Variants in EIF2AK3 observed in about 807,000 individuals in gnomAD.
EIF2AK3 encodes the protein eukaryotic translation initiation factor 2-alpha kinase 3.
EIF2AK3 carries 50 observed loss-of-function variants against 113.5 expected under a neutral mutation model. The ratio of observed to expected loss-of-function variants is 0.44; its 90% confidence interval spans 0.35 to 0.56. EIF2AK3 has a LOEUF of 0.56. Among genes scored for constraint, EIF2AK3 ranks in the 20% least tolerant of loss-of-function variants. EIF2AK3 has a pLI of 0.00. For synonymous variants in EIF2AK3, 448 were observed against 495.4 expected (o/e 0.90, Z 1.27); for missense variants, 1,185 against 1,378.0 (o/e 0.86, Z 2.22).
chr2:88,627,491 C>T, upstream of EIF2AK3: 1 of 515,676 alleles, frequency 1.9e-6, no homozygotes, highest in Non-Finnish European at 3.1e-6. Flanking sequence ...ATTGAGCAAA[C>T]TTTCCGCGCG....
chr2:88,627,019 C>T lies in EIF2AK3; in HGVS notation c.256G>A (p.Glu86Lys). The change falls in exon 1 of 17, where the codon GAG (glutamate) becomes AAG (lysine). Residue 86 changes from glutamate (E) to lysine (K), a missense_variant. By Grantham distance (56) the Glu-to-Lys change is moderately conservative. Coordinates refer to ENST00000303236, the MANE Select transcript of EIF2AK3 (RefSeq NM_004836.7). ...TCGTCTGGTTCCGGACCCCGAGGCTCCTGCTCTCCCGCGGCTGCCGGCAGC... is the reference window on the plus strand; with the variant it reads ...TCGTCTGGTTCCGGACCCCGAGGCTTCTGCTCTCCCGCGGCTGCCGGCAGC... ...EALPAAAGEQ[E>K]PRGPEPDDET... 1 of 1,606,374 alleles carries T rather than the reference C, an allele frequency of 6.2e-7. No homozygotes were observed. The highest frequency in any genetic ancestry group is 8.5e-7 in the Non-Finnish European group (1 of 1,178,744).
intron 10 of EIF2AK3, among the ~76,000 whole-genome samples, chr2:88,582,086 T>C (rs533775593): frequency 6.0e-4 from 91 of 152,286 alleles, no homozygotes; most frequent in Non-Finnish European, 1.3e-3. Context: ...TGCTTCCTGT[T>C]CCTGTGACCT....
chr2:88,558,447 C>T (rs1208109973), intron 16 of EIF2AK3, among the ~76,000 whole-genome samples: 2 of 152,142 alleles, frequency 1.3e-5, no homozygotes, highest in Non-Finnish European at 2.9e-5. Context: ...GTAACATGTA[C>T]TCTTATGAGC....
At chr2:88,574,511 C>A in intron 13 of EIF2AK3, 155 bp downstream of exon 13, 1 of 845,672 alleles carries the variant, frequency 1.2e-6, no homozygotes. Flanking sequence ...CTTATTCTTG[C>A]AGCAGGCCCC....
chr2:88,579,668 G>GT (rs1674550073), intron 10 of EIF2AK3, 28 bp from the exon 11 acceptor site: 1 of 1,602,362 alleles, frequency 6.2e-7, no homozygotes, highest in East Asian at 2.3e-5. Context: ...ATTTATAAAG[G>GT]TTTGCAACAG....
In EIF2AK3 at chr2:88,593,324, G is replaced by A; in HGVS notation, c.715C>T (p.Gln239Ter). 2 of 1,613,976 alleles carry A rather than the reference G, an allele frequency of 1.2e-6. No homozygotes were observed. Among genetic ancestry groups the A allele is most frequent in the East Asian group, 2.2e-5 (1 of 44,882 alleles). ...GCTCTAACAGTTTTTTGGGTACGCT[G>A]TAGAAGCAGGATGTCTTCCTCTTGT... ...MEQEEDILLL[Q>*]RTQKTVRAVG... Residue 239 changes from glutamine (Q) to a stop codon, truncating the protein, a stop_gained, in exon 4 of 17, where the codon CAG (glutamine) becomes TAG (stop). Transcript: ENST00000303236. LOFTEE classifies it high-confidence loss of function.
chr2:88,582,051 C>T (rs1674612432), intron 10 of EIF2AK3, among the ~76,000 whole-genome samples: 1 of 152,158 alleles, frequency 6.6e-6, no homozygotes, highest in African/African-American at 2.4e-5. Flanking sequence ...ACCATTACCA[C>T]CTAGTGATCC....
chr2:88,558,616 AT>A (rs1673851360), intron 16 of EIF2AK3, among the ~76,000 whole-genome samples: 1 of 152,200 alleles, frequency 6.6e-6, no homozygotes, highest in African/African-American at 2.4e-5. Context: ...ACTTTTTCCA[AT>A]TTGAAAATGA....
At chr2:88,572,664 T>TA (rs1337277121) in intron 13 of EIF2AK3, among the ~76,000 whole-genome samples, 1 of 152,224 alleles carries the variant, frequency 6.6e-6, no homozygotes, top group Non-Finnish European at 1.5e-5. Context: ...CTCAACAGTT[T>TA]AGCCATGTGG....
chr2:88,570,739 G>A, intron 14 of EIF2AK3, 135 bp downstream of exon 14: 1 of 1,116,334 alleles, frequency 9.0e-7, no homozygotes, highest in Middle Eastern at 2.4e-4. Flanking sequence ...TCCACTACTG[G>A]AACACTACTG....
Position 88,588,801 on chromosome 2 carries a change from T to G in EIF2AK3, c.1266A>C (p.Ala422=). ...ATTTGATTGTTGGTAAAGGAATAATTGCGTTTTCATTAGTGACAGATTCCA... is the reference window on the plus strand; with the variant it reads ...ATTTGATTGTTGGTAAAGGAATAATGGCGTTTTCATTAGTGACAGATTCCA... ...KALESVTNEN[A]IIPLPTIKWK... The change falls in exon 7 of 17, where the codon GCA becomes GCC. Residue 422 remains alanine (A), a synonymous_variant. Coordinates refer to ENST00000303236, the MANE Select transcript of EIF2AK3 (RefSeq NM_004836.7). The G allele has an allele frequency of 6.2e-7, 1 of 1,613,814 alleles. No homozygotes were observed. Among genetic ancestry groups the G allele is most frequent in the Non-Finnish European group, 8.5e-7 (1 of 1,179,838 alleles).
intron 14 of EIF2AK3, among the ~76,000 whole-genome samples, chr2:88,569,997 G>A (rs914998715): frequency 6.6e-6 from 1 of 151,590 alleles, no homozygotes; most frequent in East Asian, 1.9e-4. Context: ...TGGCAAAAAT[G>A]TAAACAAATG....
rs190858420 is a variant in EIF2AK3, at chr2:88,583,563, A to T, written c.1651-21T>A. 3.3e-3 allele frequency: 5,138 copies of T among 1,562,850 alleles called. 44 individuals carry two copies. The highest frequency in any genetic ancestry group is 0.017 in the South Asian group (1,504 of 90,108). On this transcript the variant is annotated intron_variant, in intron 9 of 16. Coordinates refer to ENST00000303236, the MANE Select transcript of EIF2AK3 (RefSeq NM_004836.7). ...CTTTGCTGATAAGGTGAAAAACAAA[A>T]TCACTACCAGTACAAAGCTGAACTG... is the stretch of plus-strand genomic sequence containing the variant.
chr2:88,587,204 C>CAAAAAA (rs780050125), intron 8 of EIF2AK3, among the ~76,000 whole-genome samples: 39 of 30,214 alleles, frequency 1.3e-3, no homozygotes, highest in African/African-American at 2.3e-3. Context: ...AACTCCATCT[C>CAAAAAA]AAAAAAAAAA....
In EIF2AK3 at chr2:88,579,541, G is replaced by A; in HGVS notation, c.1863C>T (p.Ile621=). The change falls in exon 11 of 17, where the codon ATC becomes ATT. Residue 621 remains isoleucine, a synonymous_variant. Coordinates refer to ENST00000303236, the MANE Select transcript of EIF2AK3 (RefSeq NM_004836.7). ...KNKVDDCNYA[I]KRIRLPNREL... Reference sequence around the variant, plus strand: ...ACCTATTGGGGAGACGGATCCTCTTGATAGCATAATTGCAGTCATCTACTT... The same window carrying A: ...ACCTATTGGGGAGACGGATCCTCTTAATAGCATAATTGCAGTCATCTACTT... 1 of 1,613,722 alleles carries A rather than the reference G, an allele frequency of 6.2e-7. No individual in the cohort carries two copies. Among genetic ancestry groups the A allele is most frequent in the Non-Finnish European group, 8.5e-7 (1 of 1,179,784 alleles).
At chr2:88,576,067 T>A (rs1044623559) in intron 12 of EIF2AK3, among the ~76,000 whole-genome samples, 1 of 152,162 alleles carries the variant, frequency 6.6e-6, no homozygotes, top group Admixed American at 6.5e-5. Context: ...CTGCAAATAG[T>A]TCAAAACTAC....
At chr2:88,599,872 C>T (rs766018536) in intron 2 of EIF2AK3, among the ~76,000 whole-genome samples, 1 of 152,136 alleles carries the variant, frequency 6.6e-6, no homozygotes, top group Non-Finnish European at 1.5e-5. Flanking sequence ...ATGGTCTCTG[C>T]AACTCCAAAA....
At chr2:88,608,958 T>C (rs1426828165) in intron 2 of EIF2AK3, among the ~76,000 whole-genome samples, 1 of 151,484 alleles carries the variant, frequency 6.6e-6, no homozygotes, top group African/African-American at 2.4e-5. Context: ...GGTCTAGAAC[T>C]CTTGACTTCA....
intron 2 of EIF2AK3, among the ~76,000 whole-genome samples, chr2:88,608,700 C>CTTTT (rs1176748814): frequency 1.3e-4 from 8 of 62,000 alleles, no homozygotes; most frequent in Admixed American, 5.0e-4. Context: ...TTTTTGATTT[C>CTTTT]TTTTTTTTTT....
Sources: gnomAD v4.1 joint callset for allele counts (sites outside exome capture counted in the v4.1 genomes callset) on GRCh38, gnomAD v4.1.1 for gene constraint, MANE v1.5 for transcripts, NCBI Gene and HGNC (gene_info 2026-07-23, HGNC 2026-07-21) for gene names.